The following TOPAZ1 variants were observed in gnomAD, a reference collection of about 807,000 sequenced individuals.
TOPAZ1 encodes protein TOPAZ1.
Under a neutral mutation model 172.2 loss-of-function variants are expected in TOPAZ1, and 66 were observed. That is an observed-to-expected ratio of 0.38 (90% confidence interval 0.31 to 0.47). The LOEUF is 0.47. TOPAZ1 is among the 20% of genes least tolerant of loss of function. The probability of loss-of-function intolerance (pLI) is 0.99; values close to 1 mark genes in which losing one functional copy is unlikely to be tolerated. For missense variants in TOPAZ1, 1,822 were observed against 1,972.4 expected, an observed-to-expected ratio of 0.92 and a Z score of 1.44; for synonymous variants, 681 against 683.9, an observed-to-expected ratio of 1.00 and a Z score of 0.07.
At chr3:44,292,140 T>G (rs945326675) in intron 12 of TOPAZ1, among the ~76,000 whole-genome samples, 5 of 152,196 alleles carry the variant, frequency 3.3e-5, no homozygotes, top group African/African-American at 1.2e-4. Context: ...ATAGTACTTC[T>G]TCCCTTCAAT....
At chr3:44,298,921 T>TGTTTG (rs1482074547) in intron 12 of TOPAZ1, among the ~76,000 whole-genome samples, 18 of 41,716 alleles carry the variant, frequency 4.3e-4, no homozygotes, top group African/African-American at 1.5e-3. Context: ...TTTTTTTTTT[T>TGTTTG]TTTTTTTTTT....
chr3:44,290,429 G>T (rs1364763368), intron 11 of TOPAZ1, among the ~76,000 whole-genome samples: 2 of 152,106 alleles, frequency 1.3e-5, no homozygotes, highest in Non-Finnish European at 2.9e-5. Context: ...TGAGGCACAG[G>T]AACAATACTT....
chr3:44,285,704 G>A (rs1700070952), intron 9 of TOPAZ1, among the ~76,000 whole-genome samples: 1 of 151,560 alleles, frequency 6.6e-6, no homozygotes, highest in Admixed American at 6.6e-5. Flanking sequence ...CTGAGTAGCT[G>A]TGACTACAGG....
At chr3:44,298,909 A>ATATATATATTTTTTT (rs1287571186) in intron 12 of TOPAZ1, among the ~76,000 whole-genome samples, 2 of 41,312 alleles carry the variant, frequency 4.8e-5, no homozygotes, top group African/African-American at 1.5e-4. Context: ...ATATATATAT[A>ATATATATATTTTTTT]TTTTTTTTTT....
At chr3:44,275,248 A>G (rs1017354777) in intron 8 of TOPAZ1, among the ~76,000 whole-genome samples, 1 of 152,048 alleles carries the variant, frequency 6.6e-6, no homozygotes, top group Non-Finnish European at 1.5e-5. Context: ...AATACACAAT[A>G]CATTGTTGCT....
chr3:44,245,395 A>G, intron 2 of TOPAZ1, 124 bp downstream of exon 2: 1 of 995,626 alleles, frequency 1.0e-6, no homozygotes, highest in Non-Finnish European at 1.4e-6. Context: ...ATTATTTATT[A>G]AATGTTATAT....
chr3:44,320,931 G>A, intron 16 of TOPAZ1, 96 bp from the exon 17 acceptor site: 1 of 826,818 alleles, frequency 1.2e-6, no homozygotes, highest in Non-Finnish European at 1.8e-6. Flanking sequence ...AGTTTTGCCT[G>A]TTTCTTCAAA....
chr3:44,254,918 T>C (rs1229371741), intron 2 of TOPAZ1, 50 bp from the exon 3 acceptor site: 2 of 1,361,494 alleles, frequency 1.5e-6, no homozygotes, highest in South Asian at 2.6e-5. Flanking sequence ...AAGTGGATAG[T>C]TCTGCTTAGA....
chr3:44,276,179 G>A (rs1414272549), intron 8 of TOPAZ1, among the ~76,000 whole-genome samples: 1 of 152,132 alleles, frequency 6.6e-6, no homozygotes, highest in East Asian at 1.9e-4. Flanking sequence ...CTGTGCAGAA[G>A]CTTTTTGGTT....
intron 4 of TOPAZ1, among the ~76,000 whole-genome samples, chr3:44,260,517 G>A (rs1575709509): frequency 6.6e-6 from 1 of 151,818 alleles, no homozygotes; most frequent in Non-Finnish European, 1.5e-5. Context: ...TTTCTTTTAG[G>A]GTTTTTTGGT....
intron 5 of TOPAZ1, among the ~76,000 whole-genome samples, chr3:44,264,558 T>C (rs1699808758): frequency 6.6e-6 from 1 of 152,180 alleles, no homozygotes; most frequent in African/African-American, 2.4e-5. Flanking sequence ...GGGGTGAAGG[T>C]TGAAGGTTGA....
chr3:44,306,031 C>A (rs1313175901), intron 14 of TOPAZ1, among the ~76,000 whole-genome samples: 1 of 152,176 alleles, frequency 6.6e-6, no homozygotes, highest in African/African-American at 2.4e-5. Context: ...GACCTGAGCT[C>A]TTTACTACTG....
chr3:44,317,813 A>T (rs996681713), intron 16 of TOPAZ1, among the ~76,000 whole-genome samples: 7 of 152,212 alleles, frequency 4.6e-5, no homozygotes, highest in Non-Finnish European at 8.8e-5. Context: ...TATTCTTGGG[A>T]ATTTAATTCT....
intron 8 of TOPAZ1, among the ~76,000 whole-genome samples, chr3:44,279,960 C>T (rs1700004292): frequency 6.6e-6 from 1 of 152,050 alleles, no homozygotes; most frequent in Non-Finnish European, 1.5e-5. Context: ...TTTGTATGCT[C>T]TGCTTTATCA....
At chr3:44,242,751 G>T in intron 1 of TOPAZ1, 102 bp from the exon 2 acceptor site, 1 of 949,698 alleles carries the variant, frequency 1.1e-6, no homozygotes, top group East Asian at 2.7e-5. Context: ...CAGCTGTTCA[G>T]GGAAATAAAA....
chr3:44,280,232 T>C (rs1192515198), intron 8 of TOPAZ1, among the ~76,000 whole-genome samples: 3 of 152,110 alleles, frequency 2.0e-5, no homozygotes, highest in African/African-American at 7.2e-5. Context: ...CCACTGTTAG[T>C]CTGATGGAGA....
Position 44,319,983 on chromosome 3 carries a change from T to G in TOPAZ1, c.4307-1044T>G, listed in dbSNP as rs187291175. On this transcript the variant is annotated intron_variant, in intron 16 of 19. Coordinates refer to ENST00000309765, the MANE Select transcript of TOPAZ1 (RefSeq NM_001145030.2). ...TTACATATAGTAATGTTTCACTATG[T>G]GTATAATGATTGAGTAAATTAGGTA... 1.0e-3 allele frequency among the ~76,000 whole-genome samples: 156 copies of G among 152,338 alleles called. 1 individual carries two copies. The Middle Eastern group carries it at 0.031, about 30-fold the overall frequency.
chr3:44,298,764 A>C (rs1294461400), intron 12 of TOPAZ1, among the ~76,000 whole-genome samples: 1 of 129,176 alleles, frequency 7.7e-6, no homozygotes, highest in Non-Finnish European at 1.7e-5. Context: ...AAATTAATTC[A>C]AAATGAATCA....
Position 44,267,030 on chromosome 3 carries a change from C to T in TOPAZ1, c.3054C>T (p.Gly1018=), listed in dbSNP as rs893510931. 7.1e-6 allele frequency: 11 copies of T among 1,546,202 alleles called. No individual in the cohort carries two copies. Among genetic ancestry groups the T allele is most frequent in the Middle Eastern group, 3.3e-4 (2 of 5,998 alleles). ...CTAGAAATGCAGACTTTATGGTCGG[C>T]GAATGTCAATTTGCAGTACCAGTCC... ...KDSRNADFMV[G]ECQFAVPVPK... is the part of the protein sequence containing the mutation. Residue 1018 remains glycine, a synonymous_variant, in exon 6 of 20, where the codon GGC becomes GGT. Coordinates refer to ENST00000309765, the MANE Select transcript of TOPAZ1 (RefSeq NM_001145030.2).
Sources: allele counts gnomAD v4.1 joint callset (sites outside exome capture counted in the v4.1 genomes callset), GRCh38; gene constraint gnomAD v4.1.1; transcripts MANE v1.5; gene names NCBI Gene and HGNC (gene_info 2026-07-23, HGNC 2026-07-21).